The following ANK2 variants were observed in gnomAD, a reference collection of about 807,000 sequenced individuals.
ANK2 encodes ankyrin-2.
In ANK2, 83 loss-of-function variants were observed where a neutral mutation model predicts 360.5. The ratio of observed to expected loss-of-function variants is 0.23; its 90% CI spans 0.19 to 0.28. The LOEUF is 0.28. Ranked by LOEUF, ANK2 falls within the 10% of genes least tolerant of loss-of-function variation. The probability of loss-of-function intolerance (pLI) is 1.00; values close to 1 mark genes in which losing one functional copy is unlikely to be tolerated. For missense variants in ANK2, 4,201 were observed against 4,795.7 expected (o/e 0.88, Z 3.66); for synonymous variants, 1,740 against 1,759.5 (o/e 0.99, Z 0.28).
intron 2 of ANK2, among the ~76,000 whole-genome samples, chr4:113,000,302 G>T (rs2050152825): frequency 6.6e-6 from 1 of 152,216 alleles, no homozygotes; most frequent in Admixed American, 6.5e-5. Context: ...GGTACAGAGA[G>T]ATGGACACCT....
At chr4:113,155,693 T>C (rs1196591092) in intron 1 of ANK2, among the ~76,000 whole-genome samples, 1 of 152,146 alleles carries the variant, frequency 6.6e-6, no homozygotes, top group Non-Finnish European at 1.5e-5. Context: ...AAGTGGAACT[T>C]CATACTTTTT....
chr4:112,878,017 A>T (rs1210245885), intron 1 of ANK2, among the ~76,000 whole-genome samples: 1 of 152,114 alleles, frequency 6.6e-6, no homozygotes, highest in Non-Finnish European at 1.5e-5. Context: ...CAGGGTCCTG[A>T]CTATCTTATC....
chr4:113,130,402 A>G (rs2095941509), intron 1 of ANK2, among the ~76,000 whole-genome samples: 1 of 152,016 alleles, frequency 6.6e-6, no homozygotes, highest in Admixed American at 6.6e-5. Flanking sequence ...AAATATTTAG[A>G]TATATAATAT....
the ANK2 span, among the ~76,000 whole-genome samples, chr4:112,774,246 G>A: frequency 1.3e-5 from 2 of 152,046 alleles, no homozygotes; most frequent in African/African-American, 4.8e-5. Flanking sequence ...ACTAACTACC[G>A]CTGGGCACGG....
intron 4 of ANK2, among the ~76,000 whole-genome samples, chr4:113,207,686 C>CAAAAAAAA (rs34818513): frequency 6.3e-4 from 64 of 101,580 alleles, no homozygotes; most frequent in Non-Finnish European, 9.9e-4. Flanking sequence ...GATCACAAAG[C>CAAAAAAAA]AAAAAAAAAA....
In ANK2 at chr4:113,278,534, T is replaced by C; in HGVS notation, c.1857T>C (p.Gly619=). The part of the protein sequence containing the change: ...QKVALLLLEK[G]ASPHATAKNG... ...TGGCGCTGCTGTTACTGGAGAAGGG[T>C]GCTTCCCCTCATGCCACTGCCAAGG... Residue 619 remains glycine, a synonymous_variant, in exon 17 of 46, where the codon GGT becomes GGC. Coordinates refer to ENST00000357077, the MANE Select transcript of ANK2 (RefSeq NM_001148.6). 6.2e-7 allele frequency: 1 copy of C among 1,613,892 alleles called. No individual in the cohort carries two copies. Among genetic ancestry groups the C allele is most frequent in the Non-Finnish European group, 8.5e-7 (1 of 1,179,892 alleles).
chr4:113,089,667 A>C (rs747069977), intron 1 of ANK2, among the ~76,000 whole-genome samples: 1 of 152,080 alleles, frequency 6.6e-6, no homozygotes, highest in African/African-American at 2.4e-5. Context: ...GTCTAAGAAA[A>C]ATACAAAATT....
intron 1 of ANK2, among the ~76,000 whole-genome samples, chr4:113,071,115 T>A (rs1271809202): frequency 6.6e-6 from 1 of 152,180 alleles, no homozygotes; most frequent in Non-Finnish European, 1.5e-5. Flanking sequence ...CATCCCATAG[T>A]CCTAAAATAA....
At chr4:112,981,881 A>T (rs536837797) in intron 2 of ANK2, among the ~76,000 whole-genome samples, 1 of 152,298 alleles carries the variant, frequency 6.6e-6, no homozygotes, top group African/African-American at 2.4e-5. Flanking sequence ...TGTGACCCTA[A>T]TGATATTAAT....
At chr4:112,895,430 A>C (rs532895443) in intron 1 of ANK2, among the ~76,000 whole-genome samples, 9 of 152,328 alleles carry the variant, frequency 5.9e-5, no homozygotes, top group African/African-American at 2.2e-4. Context: ...AGGAATTTTC[A>C]TTCATTAGTG....
chr4:113,288,629 G>C, intron 20 of ANK2, 143 bp downstream of exon 20: 1 of 726,834 alleles, frequency 1.4e-6, no homozygotes, highest in Non-Finnish European at 2.3e-6. Flanking sequence ...ATGTAGTTTT[G>C]TAATTATTTG....
At chr4:113,144,751 A>G (rs2096764404) in intron 1 of ANK2, among the ~76,000 whole-genome samples, 2 of 147,662 alleles carry the variant, frequency 1.4e-5, no homozygotes, top group Non-Finnish European at 3.0e-5. Flanking sequence ...ATATTAATAT[A>G]TTTTATATGG....
intron 2 of ANK2, among the ~76,000 whole-genome samples, chr4:113,027,309 G>A (rs9991382): frequency 0.25 from 37,261 of 151,980 alleles, 4,946 homozygotes; most frequent in East Asian, 0.44. Context: ...CAGAATATAC[G>A]CTATCTCTCC....
At chr4:112,839,766 A>C (rs1370691660) in intron 1 of ANK2, among the ~76,000 whole-genome samples, 2 of 152,244 alleles carry the variant, frequency 1.3e-5, no homozygotes, top group Non-Finnish European at 2.9e-5. Context: ...GCTTTAAGGC[A>C]ATAATGATCC....
chr4:113,075,075 C>A (rs760914677), intron 1 of ANK2, among the ~76,000 whole-genome samples: 26 of 152,250 alleles, frequency 1.7e-4, no homozygotes, highest in African/African-American at 3.4e-4. Context: ...TTGGCCCCCA[C>A]CCCAAACCTA....
At chr4:113,368,213 A>G (rs2096605269) in intron 42 of ANK2, among the ~76,000 whole-genome samples, 3 of 152,208 alleles carry the variant, frequency 2.0e-5, no homozygotes, top group Admixed American at 2.0e-4. Context: ...TTCCCTGTAG[A>G]TGACACGGCC....
Position 113,373,325 on chromosome 4 carries a change from GCA to G in ANK2, c.11738_11739del (p.Thr3913ArgfsTer35). 1 of 1,614,080 alleles carries G rather than the reference GCA, an allele frequency of 6.2e-7. No individual in the cohort carries two copies. Among genetic ancestry groups the G allele is most frequent in the Non-Finnish European group, 8.5e-7 (1 of 1,179,968 alleles). On this transcript the variant is annotated frameshift_variant, in exon 45 of 46. Coordinates refer to ENST00000357077, the MANE Select transcript of ANK2 (RefSeq NM_001148.6). LOFTEE classifies it high-confidence loss of function. ...ATTAGGCGGTATGTATCCTCTGAAG[GCA>G]CAGAGAAAGAAGAGATTATGGTGCA...
At position 112,859,396 on chromosome 4, in the gene ANK2, G is replaced by A. The variant is rs554326678; in HGVS notation, c.-40+41132G>A. Among the ~76,000 whole-genome samples, 26 of 152,226 alleles carry A rather than the reference G, an allele frequency of 1.7e-4. No homozygotes were observed. The East Asian group carries it at 5.0e-3, about 29-fold the overall frequency. The stretch of plus-strand genomic sequence containing the variant: ...AGAATACTATGTCTTTTAAATTCCT[G>A]CTATTCTTACGTGGTTCCAAAACCT... On this transcript the variant is annotated intron_variant, in intron 1 of 30. Transcript: ENST00000503271.
At chr4:113,262,011 C>T (rs1189872097) in intron 13 of ANK2, among the ~76,000 whole-genome samples, 1 of 152,090 alleles carries the variant, frequency 6.6e-6, no homozygotes, top group Non-Finnish European at 1.5e-5. Flanking sequence ...CTAGATTGCA[C>T]CACTGCACTC....
Sources: allele counts gnomAD v4.1 joint callset (sites outside exome capture counted in the v4.1 genomes callset), GRCh38; gene constraint gnomAD v4.1.1; transcripts MANE v1.5; gene names NCBI Gene and HGNC (gene_info 2026-07-23, HGNC 2026-07-21).